The following LAMC1 variants were observed in gnomAD, a reference collection of about 807,000 sequenced individuals.
LAMC1 encodes laminin subunit gamma-1.
In LAMC1, 38 loss-of-function variants were observed where a neutral mutation model predicts 173.6. The ratio of observed to expected loss-of-function variants is 0.22; its 90% CI spans 0.17 to 0.29. The LOEUF (loss-of-function observed/expected upper bound fraction) is 0.29, where lower values mean the gene tolerates loss of function less well. Ranked by LOEUF, LAMC1 falls within the 10% of genes least tolerant of loss-of-function variation. The pLI, the probability that LAMC1 is intolerant of heterozygous loss-of-function variation, is 1.00. For missense variants in LAMC1, 1,824 were observed against 2,051.8 expected (o/e 0.89, Z 2.14); for synonymous variants, 746 against 749.1 (o/e 1.00, Z 0.07).
chr1:183,134,865 A>G (rs2102108936), intron 23 of LAMC1, 56 bp downstream of exon 23: 1 of 1,540,776 alleles, frequency 6.5e-7, no homozygotes, highest in Non-Finnish European at 8.9e-7. Context: ...AACAGTCCAA[A>G]TGGGTCTGTG....
chr1:183,093,226 C>G (rs542142410), intron 1 of LAMC1, among the ~76,000 whole-genome samples: 1 of 152,276 alleles, frequency 6.6e-6, no homozygotes, highest in East Asian at 1.9e-4. Context: ...GCCCAGCATT[C>G]TCTATGGCTT....
intron 1 of LAMC1, among the ~76,000 whole-genome samples, chr1:183,038,385 C>T (rs1482587467): frequency 6.6e-6 from 1 of 152,164 alleles, no homozygotes; most frequent in African/African-American, 2.4e-5. Context: ...GAGTGGGTGG[C>T]ACCCTGTGCT....
rs567240532 is a variant in LAMC1 at position 183,089,053 on chromosome 1, C to G, written c.419-14275C>G. On this transcript the variant is annotated intron_variant, in intron 1 of 27. Coordinates refer to ENST00000258341, the MANE Select transcript of LAMC1 (RefSeq NM_002293.4). ...ATAGGGTGGGTTTATAGAATACTTT[C>G]CATCTTCTTCCTAACTCCTCTTTAG... 1.7e-3 allele frequency among the ~76,000 whole-genome samples: 255 copies of G among 152,248 alleles called. 3 individuals carry two copies. Among genetic ancestry groups the G allele is most frequent in the African/African-American group, 5.1e-3 (210 of 41,546 alleles).
intron 18 of LAMC1, among the ~76,000 whole-genome samples, chr1:183,129,629 G>A (rs1656727776): frequency 6.6e-6 from 1 of 151,072 alleles, no homozygotes. Context: ...GCTGAAATAT[G>A]AATTGGTCAA....
At chr1:183,109,595 C>T (rs1418037401) in intron 3 of LAMC1, among the ~76,000 whole-genome samples, 1 of 152,116 alleles carries the variant, frequency 6.6e-6, no homozygotes, top group Non-Finnish European at 1.5e-5. Flanking sequence ...AAAGTTTGTG[C>T]AGCAGTCAAG....
At chr1:183,083,464 AC>A (rs1655341005) in intron 1 of LAMC1, among the ~76,000 whole-genome samples, 1 of 152,166 alleles carries the variant, frequency 6.6e-6, no homozygotes, top group African/African-American at 2.4e-5. Context: ...TGAGACTGAA[AC>A]TTTGGTATAG....
chr1:183,134,614 T>TTAGCCTACCTTTTCA, intron 22 of LAMC1, 46 bp from the exon 23 acceptor site: 1 of 1,517,730 alleles, frequency 6.6e-7, no homozygotes, highest in South Asian at 1.2e-5. Context: ...TTTCATTAGT[T>TTAGCCTACCTTTTCA]TAAATGTTTT....
intron 1 of LAMC1, among the ~76,000 whole-genome samples, chr1:183,032,398 G>A (rs1417660173): frequency 1.3e-5 from 2 of 151,974 alleles, no homozygotes; most frequent in Admixed American, 6.6e-5. Context: ...GTGTGTGGCC[G>A]CTTCCTCTTA....
chr1:183,131,541 A>C (rs1656792358), intron 20 of LAMC1, among the ~76,000 whole-genome samples, 163 bp downstream of exon 20: 1 of 151,830 alleles, frequency 6.6e-6, no homozygotes, highest in African/African-American at 2.4e-5. Context: ...AGATATTATC[A>C]GCTGTGTATA....
At chr1:183,140,798 G>T (rs1657092757) in intron 27 of LAMC1, 1 of 187,142 alleles carries the variant, frequency 5.3e-6, no homozygotes, top group Non-Finnish European at 1.1e-5. Context: ...GTGTTAATGT[G>T]ACAAGTACTT....
chr1:183,049,026 T>C (rs751976014), intron 1 of LAMC1, among the ~76,000 whole-genome samples: 10 of 152,238 alleles, frequency 6.6e-5, no homozygotes, highest in Non-Finnish European at 1.3e-4. Context: ...GTCTTTATTA[T>C]TAATATAGTT....
intron 27 of LAMC1, chr1:183,140,802 A>C (rs1341371512): frequency 5.6e-6 from 1 of 179,810 alleles, no homozygotes; most frequent in African/African-American, 2.4e-5. Flanking sequence ...TAATGTGACA[A>C]GTACTTACTA....
At chr1:183,099,440 C>T (rs1655778196) in intron 1 of LAMC1, among the ~76,000 whole-genome samples, 1 of 152,178 alleles carries the variant, frequency 6.6e-6, no homozygotes, top group Non-Finnish European at 1.5e-5. Context: ...GCTTTTGGTG[C>T]AGCTGTGACC....
At chr1:183,046,615 G>T (rs894756411) in intron 1 of LAMC1, among the ~76,000 whole-genome samples, 3 of 151,550 alleles carry the variant, frequency 2.0e-5, no homozygotes, top group Non-Finnish European at 2.9e-5. Flanking sequence ...TAACTCTTTT[G>T]TCACTGGTAT....
intron 18 of LAMC1, among the ~76,000 whole-genome samples, chr1:183,129,533 C>T (rs1451783311): frequency 6.6e-6 from 1 of 151,132 alleles, no homozygotes; most frequent in Non-Finnish European, 1.5e-5. Flanking sequence ...CTGTATTCAT[C>T]TTCATTGGTC....
intron 5 of LAMC1, among the ~76,000 whole-genome samples, 159 bp downstream of exon 5, chr1:183,114,878 C>T (rs1312401372): frequency 6.6e-6 from 1 of 152,184 alleles, no homozygotes; most frequent in Non-Finnish European, 1.5e-5. Context: ...CCCATGCCTC[C>T]ACCTTTTTTA....
chr1:183,086,185 G>C lies in LAMC1; in HGVS notation c.419-17143G>C, dbSNP rs192283104. Among the ~76,000 whole-genome samples the C allele has an allele frequency of 3.2e-4, 48 of 152,332 alleles. No homozygotes were observed. In the East Asian group the frequency reaches 8.5e-3, roughly 27 times the overall value. ...GAAGGAAAGTAAGGAGACAAATCTA[G>C]TGAAGGCTGCCTTGACTTAACAGTG... is the stretch of plus-strand genomic sequence containing the variant. On this transcript the variant is annotated intron_variant, in intron 1 of 27. Coordinates refer to ENST00000258341, the MANE Select transcript of LAMC1 (RefSeq NM_002293.4).
At chr1:183,126,968 C>G (rs1180537767) in intron 16 of LAMC1, among the ~76,000 whole-genome samples, 1 of 152,224 alleles carries the variant, frequency 6.6e-6, no homozygotes, top group East Asian at 1.9e-4. Flanking sequence ...AGTTTCATAA[C>G]TTCTCTAATT....
chr1:183,044,014 G>GT (rs1156462159), intron 1 of LAMC1, among the ~76,000 whole-genome samples: 3 of 151,948 alleles, frequency 2.0e-5, no homozygotes, highest in East Asian at 3.9e-4. Context: ...TTTCTGTCCA[G>GT]TTTTTTTTAA....
Sources: gnomAD v4.1 joint callset for allele counts (sites outside exome capture counted in the v4.1 genomes callset) on GRCh38, gnomAD v4.1.1 for gene constraint, MANE v1.5 for transcripts, NCBI Gene and HGNC (gene_info 2026-07-23, HGNC 2026-07-21) for gene names.